The following ACSL4 variants were observed in gnomAD, a reference collection of about 807,000 sequenced individuals.
ACSL4 encodes acyl-CoA synthetase long chain family member 4.
A neutral mutation model predicts 49.1 loss-of-function variants in ACSL4; 9 were observed. The ratio of observed to expected loss-of-function variants is 0.18; its 90% CI spans 0.11 to 0.32. ACSL4 has a LOEUF of 0.32. Among genes scored for constraint, ACSL4 ranks in the 10% least tolerant of loss-of-function variants. The probability of loss-of-function intolerance (pLI) is 1.00; values close to 1 mark genes in which losing one functional copy is unlikely to be tolerated. For synonymous variants in ACSL4, 191 were observed against 170.3 expected (o/e 1.12, Z -0.95); for missense variants, 333 against 493.7 (o/e 0.67, Z 3.08).
intron 8 of ACSL4, 50 bp from the exon 9 acceptor site, chrX:109,674,523 T>C: frequency 1.1e-6 from 1 of 922,645 alleles, no homozygotes. Flanking sequence ...CCTTAAAACA[T>C]GTTGTAATTC....
chrX:109,712,274 A>C (rs748186109), intron 1 of ACSL4, among the ~76,000 whole-genome samples: 1 of 111,296 alleles, frequency 9.0e-6, no homozygotes, highest in South Asian at 3.8e-4. Context: ...CATTTTTAAA[A>C]ATTTTGTAGA....
chrX:109,685,080 TTTTC>T (rs1214689072), intron 2 of ACSL4, among the ~76,000 whole-genome samples: 19 of 107,263 alleles, frequency 1.8e-4, no homozygotes, highest in East Asian at 6.0e-4. Flanking sequence ...GTAATATTTC[TTTTC>T]TTTCTTTTTT....
intron 1 of ACSL4, among the ~76,000 whole-genome samples, chrX:109,712,450 A>G (rs1381061070): frequency 1.8e-5 from 2 of 112,038 alleles, no homozygotes. Flanking sequence ...ATTCTGGGTA[A>G]GAACCACGAC....
chrX:109,652,887 A>C (rs997848081), intron 15 of ACSL4, among the ~76,000 whole-genome samples: 7 of 111,694 alleles, frequency 6.3e-5, no homozygotes, highest in Non-Finnish European at 1.3e-4. Flanking sequence ...TTTCAATCTG[A>C]TTATGTTAAC....
At chrX:109,719,095 TAAAC>T (rs77436758) in intron 1 of ACSL4, among the ~76,000 whole-genome samples, 1 of 110,280 alleles carries the variant, frequency 9.1e-6, no homozygotes, top group African/African-American at 3.3e-5. Flanking sequence ...ACAAACAAAA[TAAAC>T]AAACAAAAAA....
intron 1 of ACSL4, among the ~76,000 whole-genome samples, chrX:109,731,038 G>A (rs941514715): frequency 9.0e-6 from 1 of 111,554 alleles, no homozygotes. Context: ...TCACTTGCAA[G>A]CAGAAATTAA....
At chrX:109,661,476 A>G in intron 14 of ACSL4, 55 bp downstream of exon 14, 1 of 885,039 alleles carries the variant, frequency 1.1e-6, no homozygotes. Flanking sequence ...TAATCACATT[A>G]TTTTCTAAAT....
chrX:109,653,281 A>G (rs1037160782), intron 15 of ACSL4, among the ~76,000 whole-genome samples: 2 of 111,903 alleles, frequency 1.8e-5, no homozygotes, highest in Admixed American at 9.5e-5. Flanking sequence ...TTAGAATGGC[A>G]ATCATTAAAA....
In ACSL4 at chrX:109,644,944, A is replaced by G. The variant is rs748188526; in HGVS notation, c.1856-758T>C. On this transcript the variant is annotated intron_variant, in intron 15 of 15. Transcript: ENST00000672401. ...CTGGAAAATCGGGTCACTCCCACCC[A>G]AATACTGTGCTTTTCCGACAGGCTT... Among the ~76,000 whole-genome samples, 635 of 113,114 alleles carry G rather than the reference A, an allele frequency of 5.6e-3. 7 individuals are homozygous for G. Among genetic ancestry groups the G allele is most frequent in the African/African-American group, 0.017 (543 of 31,194 alleles).
chrX:109,699,107 C>T (rs1925672030), intron 1 of ACSL4, among the ~76,000 whole-genome samples: 1 of 112,266 alleles, frequency 8.9e-6, no homozygotes, highest in African/African-American at 3.2e-5. Flanking sequence ...TGGCTCATGC[C>T]TATTATCCCA....
chrX:109,681,235 A>G, intron 5 of ACSL4, 31 bp downstream of exon 5: 1 of 1,199,698 alleles, frequency 8.3e-7, no homozygotes, highest in Non-Finnish European at 1.1e-6. Flanking sequence ...AGACAACGCA[A>G]CCATGAATTA....
intron 15 of ACSL4, among the ~76,000 whole-genome samples, chrX:109,650,231 T>C: frequency 9.0e-6 from 1 of 111,326 alleles, no homozygotes; most frequent in African/African-American, 3.3e-5. Flanking sequence ...TGCACACATA[T>C]GTTTACTGCG....
intron 15 of ACSL4, among the ~76,000 whole-genome samples, chrX:109,653,157 G>A (rs1352604622): frequency 9.0e-6 from 1 of 111,267 alleles, no homozygotes; most frequent in Non-Finnish European, 1.9e-5. Context: ...GAGGAAAAAA[G>A]TCTTTAAAAT....
At chrX:109,672,451 G>A (rs1050561867) in intron 9 of ACSL4, among the ~76,000 whole-genome samples, 3 of 111,529 alleles carry the variant, frequency 2.7e-5, no homozygotes, top group Non-Finnish European at 5.6e-5. Flanking sequence ...TTTATTGTTA[G>A]CACATTAAGT....
At chrX:109,710,376 G>T (rs1027391722) in intron 1 of ACSL4, among the ~76,000 whole-genome samples, 2 of 112,201 alleles carry the variant, frequency 1.8e-5, no homozygotes, top group South Asian at 7.3e-4. Flanking sequence ...GCAAGTAAAT[G>T]AAAGCACCAG....
At chrX:109,670,899 T>C (rs1440222018) in intron 9 of ACSL4, among the ~76,000 whole-genome samples, 2 of 112,763 alleles carry the variant, frequency 1.8e-5, no homozygotes, top group African/African-American at 6.4e-5. Context: ...GGTGCTGGGA[T>C]TGCAGACGGA....
intron 15 of ACSL4, among the ~76,000 whole-genome samples, chrX:109,646,246 A>G (rs1380763453): frequency 9.0e-6 from 1 of 111,609 alleles, no homozygotes; most frequent in East Asian, 2.8e-4. Context: ...GAAATGAAGG[A>G]AAAAATGTTA....
intron 1 of ACSL4, among the ~76,000 whole-genome samples, chrX:109,713,551 G>A (rs928955450): frequency 9.1e-6 from 1 of 110,311 alleles, no homozygotes; most frequent in Non-Finnish European, 1.9e-5. Context: ...ACATAAAATT[G>A]CCAATAGTAA....
At chrX:109,714,661 A>G (rs1278083283) in intron 1 of ACSL4, among the ~76,000 whole-genome samples, 1 of 111,827 alleles carries the variant, frequency 8.9e-6, no homozygotes. Context: ...TAGATACATA[A>G]ATACTGAGCA....
Sources: gnomAD v4.1 joint callset for allele counts (sites outside exome capture counted in the v4.1 genomes callset) on GRCh38, gnomAD v4.1.1 for gene constraint, MANE v1.5 for transcripts, NCBI Gene and HGNC (gene_info 2026-07-23, HGNC 2026-07-21) for gene names.